The following PCDH15 variants were observed in gnomAD, a reference collection of about 807,000 sequenced individuals.
PCDH15 encodes the protein protocadherin-15.
A neutral mutation model predicts 178.5 loss-of-function variants in PCDH15; 129 were observed. That is an observed-to-expected ratio of 0.72 (90% CI 0.63 to 0.84). The LOEUF (loss-of-function observed/expected upper bound fraction) is 0.84, where lower values mean the gene tolerates loss of function less well. Among genes scored for constraint, PCDH15 ranks in the 40% least tolerant of loss-of-function variants. PCDH15 has a pLI of 0.00. For synonymous variants in PCDH15, 800 were observed against 732.0 expected (o/e 1.09, Z -1.50); for missense variants, 2,230 against 2,099.9 (o/e 1.06, Z -1.21).
chr10:54,149,089 C>T (rs1192328631), intron 14 of PCDH15, among the ~76,000 whole-genome samples: 2 of 152,072 alleles, frequency 1.3e-5, no homozygotes, highest in Non-Finnish European at 2.9e-5. Flanking sequence ...ACCTTTGAGG[C>T]TGTGCAAATA....
At chr10:53,979,762 C>G (rs1385010439) in intron 21 of PCDH15, among the ~76,000 whole-genome samples, 1 of 152,098 alleles carries the variant, frequency 6.6e-6, no homozygotes, top group Non-Finnish European at 1.5e-5. Context: ...AACGGAGGTG[C>G]TACAACTAGA....
At chr10:55,331,421 TATAGTA>T (rs1035559342) in intron 2 of PCDH15, among the ~76,000 whole-genome samples, 39 of 152,156 alleles carry the variant, frequency 2.6e-4, no homozygotes, top group African/African-American at 9.1e-4. Context: ...TATTTTTTAG[TATAGTA>T]ATAGTAAGTA....
At chr10:53,910,887 T>C (rs2083040546) in intron 25 of PCDH15, among the ~76,000 whole-genome samples, 1 of 152,224 alleles carries the variant, frequency 6.6e-6, no homozygotes, top group Non-Finnish European at 1.5e-5. Flanking sequence ...AATAGCCATT[T>C]TCATCAAGTG....
At chr10:54,599,978 A>G in intron 2 of PCDH15, 1 of 1,225,592 alleles carries the variant, frequency 8.2e-7, no homozygotes, top group Non-Finnish European at 1.2e-6. Context: ...GAAAAAGCCA[A>G]GTCTACTGTG....
intron 1 of PCDH15, among the ~76,000 whole-genome samples, chr10:54,768,247 T>C (rs1948726172): frequency 6.6e-6 from 1 of 152,178 alleles, no homozygotes; most frequent in Non-Finnish European, 1.5e-5. Context: ...AGAAGTCTTC[T>C]TGCTTTGCAA....
chr10:54,737,027 A>T (rs74136254), intron 1 of PCDH15, among the ~76,000 whole-genome samples: 5,504 of 152,234 alleles, frequency 0.036, 347 homozygotes, highest in African/African-American at 0.13. Flanking sequence ...ACCTTCCTGT[A>T]CAAATGGATT....
At chr10:53,970,002 C>A (rs953952608) in intron 21 of PCDH15, among the ~76,000 whole-genome samples, 1 of 152,100 alleles carries the variant, frequency 6.6e-6, no homozygotes, top group Non-Finnish European at 1.5e-5. Flanking sequence ...CAAATTCACA[C>A]GTAACAATAT....
At chr10:54,668,134 A>G (rs919944131) in intron 1 of PCDH15, among the ~76,000 whole-genome samples, 1 of 152,058 alleles carries the variant, frequency 6.6e-6, no homozygotes, top group African/African-American at 2.4e-5. Context: ...AATTTATTCA[A>G]CAAGTACTTA....
chr10:53,896,950 A>T (rs1048063234), intron 26 of PCDH15, among the ~76,000 whole-genome samples: 1 of 152,126 alleles, frequency 6.6e-6, no homozygotes, highest in African/African-American at 2.4e-5. Context: ...ATATATTACG[A>T]TGTAATAATA....
intron 2 of PCDH15, among the ~76,000 whole-genome samples, chr10:55,489,528 C>T (rs1441334836): frequency 6.6e-6 from 1 of 151,600 alleles, no homozygotes; most frequent in Non-Finnish European, 1.5e-5. Context: ...ACTGTTACCC[C>T]ATGAATAATT....
chr10:53,976,664 G>T (rs1463389385), intron 21 of PCDH15, among the ~76,000 whole-genome samples: 1 of 151,578 alleles, frequency 6.6e-6, no homozygotes, highest in Non-Finnish European at 1.5e-5. Flanking sequence ...GCCTGTCTCT[G>T]TCCATCATCT....
chr10:55,494,550 A>G (rs917181425), intron 2 of PCDH15, among the ~76,000 whole-genome samples: 2 of 151,118 alleles, frequency 1.3e-5, no homozygotes, highest in Non-Finnish European at 3.0e-5. Flanking sequence ...TGTTAAGAGG[A>G]TATTTTCTAA....
rs555189512 is a variant in PCDH15, at chr10:53,886,650, A to G, written c.3501+16593T>C. Reference sequence around the variant, plus strand: ...ACCTTTGGGCTCAGCCGCATCTTACACTCATATCTTAGCTCTGAACCAGAA... The same window carrying G: ...ACCTTTGGGCTCAGCCGCATCTTACGCTCATATCTTAGCTCTGAACCAGAA... On this transcript the variant is annotated intron_variant, in intron 26 of 37. Coordinates refer to ENST00000644397, the MANE Select transcript of PCDH15 (RefSeq NM_001384140.1). Among the ~76,000 whole-genome samples, 56 of 127,038 alleles carry G rather than the reference A, an allele frequency of 4.4e-4. 1 individual carries two copies. The highest frequency in any genetic ancestry group is 2.4e-3 in the Admixed American group (24 of 10,008). The allele number at this position is 127,038 out of a possible 152,430, so 83.3% of individuals were successfully genotyped here.
intron 3 of PCDH15, among the ~76,000 whole-genome samples, chr10:54,495,304 G>T (rs1455128505): frequency 6.6e-6 from 1 of 152,128 alleles, no homozygotes; most frequent in Admixed American, 6.6e-5. Context: ...AAAGTAAGGA[G>T]ATATGTCTCA....
At chr10:54,000,791 A>C (rs2092095496) in intron 20 of PCDH15, among the ~76,000 whole-genome samples, 1 of 152,178 alleles carries the variant, frequency 6.6e-6, no homozygotes, top group African/African-American at 2.4e-5. Context: ...ATAATAATGA[A>C]GAACTTCCCA....
chr10:55,125,650 A>T (rs1195638775), intron 2 of PCDH15, among the ~76,000 whole-genome samples: 8 of 152,040 alleles, frequency 5.3e-5, no homozygotes, highest in African/African-American at 1.7e-4. Flanking sequence ...AAAAAAGCAA[A>T]ATCTCATCAG....
chr10:54,797,374 T>C (rs1013385456), intron 1 of PCDH15, among the ~76,000 whole-genome samples: 4 of 152,000 alleles, frequency 2.6e-5, no homozygotes, highest in African/African-American at 7.2e-5. Flanking sequence ...ATAGCTTCAA[T>C]AGCCATGATC....
rs752385240 is a variant in PCDH15 at position 53,827,538 on chromosome 10, C to G, written c.4222G>C (p.Glu1408Gln). 6.2e-7 allele frequency: 1 copy of G among 1,614,128 alleles called. No homozygotes were observed. The highest frequency in any genetic ancestry group is 1.1e-5 in the South Asian group (1 of 91,090). Residue 1408 changes from glutamate to glutamine, a missense_variant, in exon 32 of 38, where the codon GAG becomes CAG. Coordinates refer to ENST00000644397, the MANE Select transcript of PCDH15 (RefSeq NM_001384140.1). ...TGAATTCGTGCAGTCTTTGTACACTCAGCTTGACGTCTTGGATAAAGTAAG... is the reference window on the plus strand; with the variant it reads ...TGAATTCGTGCAGTCTTTGTACACTGAGCTTGACGTCTTGGATAAAGTAAG... ...SYRQFKVRQAECTKTARIQAA... is the reference protein window; with the variant it reads ...SYRQFKVRQAQCTKTARIQAA...
Position 55,445,827 on chromosome 10 carries a change from A to G in PCDH15, c.-156+181798T>C, listed in dbSNP as rs115928083. ...ACTTCTTGGTCCTTTGATTCATTTC[A>G]TACAGTTGTATCCCACTACCCCTCC... On this transcript the variant is annotated intron_variant, in intron 2 of 5. Coordinates refer to the PCDH15 transcript ENST00000613346. Among the ~76,000 whole-genome samples, 718 of 152,274 alleles carry G rather than the reference A, an allele frequency of 4.7e-3. 7 individuals are homozygous for G. Among genetic ancestry groups the G allele is most frequent in the African/African-American group, 0.016 (682 of 41,564 alleles).
Sources: allele counts gnomAD v4.1 joint callset (sites outside exome capture counted in the v4.1 genomes callset), GRCh38; gene constraint gnomAD v4.1.1; transcripts MANE v1.5; gene names NCBI Gene and HGNC (gene_info 2026-07-23, HGNC 2026-07-21).